PRIMA1: variants seen among roughly 807,000 people sequenced by gnomAD.
PRIMA1 encodes the protein proline-rich membrane anchor 1.
A neutral mutation model predicts 17.5 loss-of-function variants in PRIMA1; 7 were observed. The observed-to-expected ratio is 0.40, with a 90% CI of 0.23 to 0.75. The LOEUF (loss-of-function observed/expected upper bound fraction) is 0.75, where lower values mean the gene tolerates loss of function less well. Among genes scored for constraint, PRIMA1 ranks in the 30% least tolerant of loss-of-function variants. PRIMA1 has a pLI of 0.37. For synonymous variants in PRIMA1, 97 were observed against 77.9 expected, an observed-to-expected ratio of 1.25 and a Z score of -1.29; for missense variants, 200 against 201.8, an observed-to-expected ratio of 0.99 and a Z score of 0.05.
At chr14:93,728,108 G>T (rs1334319427) in intron 4 of PRIMA1, among the ~76,000 whole-genome samples, 1 of 152,176 alleles carries the variant, frequency 6.6e-6, no homozygotes, top group Non-Finnish European at 1.5e-5. Flanking sequence ...CCAACCTCAG[G>T]CACAGGGCGC....
At chr14:93,737,957 G>A (rs2076161852) in intron 3 of PRIMA1, among the ~76,000 whole-genome samples, 1 of 152,212 alleles carries the variant, frequency 6.6e-6, no homozygotes, top group Non-Finnish European at 1.5e-5. Context: ...CGGGGGTGGG[G>A]AGCGGGGCTC....
chr14:93,746,490 TG>T (rs1427824424), intron 3 of PRIMA1, among the ~76,000 whole-genome samples: 2 of 151,980 alleles, frequency 1.3e-5, no homozygotes, highest in East Asian at 3.9e-4. Context: ...CTGGCAGTTC[TG>T]GGGAGCAGGA....
At chr14:93,736,269 A>G (rs901061500) in intron 4 of PRIMA1, among the ~76,000 whole-genome samples, 1 of 152,168 alleles carries the variant, frequency 6.6e-6, no homozygotes, top group Non-Finnish European at 1.5e-5. Context: ...TTCTGACTCC[A>G]TTGCTCACCA....
chr14:93,772,582 T>G (rs1218064861), intron 3 of PRIMA1, among the ~76,000 whole-genome samples: 1 of 152,234 alleles, frequency 6.6e-6, no homozygotes, highest in African/African-American at 2.4e-5. Context: ...TGCTGAAGGC[T>G]TTTTGTTCAG....
intron 2 of PRIMA1, among the ~76,000 whole-genome samples, chr14:93,787,023 G>C (rs968886869): frequency 1.4e-5 from 1 of 70,314 alleles, no homozygotes; most frequent in Non-Finnish European, 2.8e-5. Flanking sequence ...TGCGCATTCT[G>C]GGGGGGACTA....
chr14:93,733,363 C>T (rs1438524421), intron 4 of PRIMA1, among the ~76,000 whole-genome samples: 1 of 152,228 alleles, frequency 6.6e-6, no homozygotes, highest in African/African-American at 2.4e-5. Flanking sequence ...CTAGCAAGTG[C>T]TAGTGAGACT....
chr14:93,788,904 G>A (rs1885612607), upstream of PRIMA1, among the ~76,000 whole-genome samples: 1 of 152,136 alleles, frequency 6.6e-6, no homozygotes, highest in South Asian at 2.1e-4. Context: ...CGGCTGCCCG[G>A]GGCACTGGGG....
Position 93,721,541 on chromosome 14 carries a change from G to A in PRIMA1, c.365C>T (p.Pro122Leu), listed in dbSNP as rs748353542. ...IICYKAIKRK[P>L]LRKDENGTSV... ...GGTGCCATTTTCGTCTTTTCTCAGTGGTTTCCTGGAAGTGGGGGGAGGGGA... is the reference window on the plus strand; with the variant it reads ...GGTGCCATTTTCGTCTTTTCTCAGTAGTTTCCTGGAAGTGGGGGGAGGGGA... The change falls in exon 5 of 5, where the codon CCA (proline) becomes CTA (leucine). Residue 122 changes from proline (P) to leucine (L), a missense_variant. By Grantham distance (98) the Pro-to-Leu change is moderately conservative (BLOSUM62 -3). Transcript: ENST00000393140. 5 of 1,611,716 alleles carry A rather than the reference G, an allele frequency of 3.1e-6. No individual in the cohort carries two copies. In the Admixed American group the frequency reaches 8.3e-5, roughly 27 times the overall value.
chr14:93,775,751 C>T (rs548161284), intron 3 of PRIMA1, among the ~76,000 whole-genome samples: 25 of 152,384 alleles, frequency 1.6e-4, no homozygotes, highest in African/African-American at 4.3e-4. Context: ...GCCGGAGGCA[C>T]TCCATGGCTA....
chr14:93,773,951 G>A (rs931536944), intron 3 of PRIMA1, among the ~76,000 whole-genome samples: 19 of 152,172 alleles, frequency 1.2e-4, no homozygotes, highest in Admixed American at 8.5e-4. Flanking sequence ...ACTTAGCCAC[G>A]TGTGGCGGCT....
At chr14:93,730,363 CTCG>C (rs2076106329) in intron 4 of PRIMA1, among the ~76,000 whole-genome samples, 1 of 152,238 alleles carries the variant, frequency 6.6e-6, no homozygotes, top group Non-Finnish European at 1.5e-5. Flanking sequence ...GAGCTCTATA[CTCG>C]TCCAGGATGA....
At chr14:93,734,610 C>A (rs1466234661) in intron 4 of PRIMA1, among the ~76,000 whole-genome samples, 1 of 152,114 alleles carries the variant, frequency 6.6e-6, no homozygotes, top group Non-Finnish European at 1.5e-5. Flanking sequence ...CTGGAATAAT[C>A]CTCGCCACCC....
intron 3 of PRIMA1, among the ~76,000 whole-genome samples, chr14:93,777,494 C>T (rs748407000): frequency 6.6e-6 from 1 of 152,122 alleles, no homozygotes; most frequent in African/African-American, 2.4e-5. Flanking sequence ...CTGCCACCAA[C>T]GCCTGGCTAA....
chr14:93,733,722 C>G (rs2076130526), intron 4 of PRIMA1, among the ~76,000 whole-genome samples: 1 of 152,098 alleles, frequency 6.6e-6, no homozygotes, highest in African/African-American at 2.4e-5. Context: ...AATGGTTTTG[C>G]AGTGACATGA....
chr14:93,756,255 A>G (rs1316086854), intron 3 of PRIMA1, among the ~76,000 whole-genome samples: 1 of 152,032 alleles, frequency 6.6e-6, no homozygotes, highest in African/African-American at 2.4e-5. Flanking sequence ...CTTTTTTTAA[A>G]CACTGGGCGT....
At chr14:93,777,788 G>A (rs933330687) in intron 3 of PRIMA1, among the ~76,000 whole-genome samples, 1 of 152,222 alleles carries the variant, frequency 6.6e-6, no homozygotes, top group Non-Finnish European at 1.5e-5. Context: ...TTCCCTGGGA[G>A]GGCTGAGATT....
At chr14:93,761,589 T>C (rs971698746) in intron 3 of PRIMA1, among the ~76,000 whole-genome samples, 5 of 152,080 alleles carry the variant, frequency 3.3e-5, no homozygotes, top group Non-Finnish European at 2.9e-5. Context: ...GCTAATTCCT[T>C]CTCCTCCTTC....
chr14:93,734,961 C>T (rs967750992), intron 4 of PRIMA1, among the ~76,000 whole-genome samples: 5 of 152,288 alleles, frequency 3.3e-5, no homozygotes. Flanking sequence ...AGACAAAGCC[C>T]AGCAGGCTAC....
At chr14:93,763,324 C>T (rs1040497413) in intron 3 of PRIMA1, among the ~76,000 whole-genome samples, 3 of 152,176 alleles carry the variant, frequency 2.0e-5, no homozygotes, top group African/African-American at 7.2e-5. Flanking sequence ...ACTGGGGGTC[C>T]CTGGTCATCT....
Sources: allele counts gnomAD v4.1 joint callset (sites outside exome capture counted in the v4.1 genomes callset), GRCh38; gene constraint gnomAD v4.1.1; transcripts MANE v1.5; gene names NCBI Gene and HGNC (gene_info 2026-07-23, HGNC 2026-07-21).